The following METTL15 variants were observed in gnomAD, a reference collection of about 807,000 sequenced individuals.
The protein encoded by METTL15 is 12S rRNA N(4)-cytidine methyltransferase METTL15.
A neutral mutation model predicts 38.3 loss-of-function variants in METTL15; 34 were observed. The ratio of observed to expected loss-of-function variants is 0.89; its 90% confidence interval spans 0.68 to 1.18. The LOEUF is 1.18. Among genes scored for constraint, METTL15 ranks in the 50% most tolerant of loss-of-function variants. The pLI, the probability that METTL15 is intolerant of heterozygous loss-of-function variation, is 0.00. For synonymous variants in METTL15, 162 were observed against 170.9 expected (o/e 0.95, Z 0.41); for missense variants, 438 against 498.4 (o/e 0.88, Z 1.15).
chr11:28,151,572 T>G (rs1056256765), intron 3 of METTL15, among the ~76,000 whole-genome samples: 4 of 151,992 alleles, frequency 2.6e-5, no homozygotes, highest in African/African-American at 9.7e-5. Context: ...TTGCACTTGC[T>G]TCTGTCCATT....
chr11:28,440,968 A>G (rs912624399), intron 6 of METTL15, among the ~76,000 whole-genome samples: 1 of 151,852 alleles, frequency 6.6e-6, no homozygotes, highest in Non-Finnish European at 1.5e-5. Flanking sequence ...TAAGTATAAA[A>G]TTCACATTGG....
At chr11:28,366,990 C>T (rs1850192382) in intron 5 of METTL15, among the ~76,000 whole-genome samples, 1 of 152,136 alleles carries the variant, frequency 6.6e-6, no homozygotes, top group South Asian at 2.1e-4. Flanking sequence ...CCCATGATAA[C>T]CCTTCCTTCC....
At chr11:28,287,716 C>G (rs1856339257) in intron 4 of METTL15, 1 of 152,742 alleles carries the variant, frequency 6.5e-6, no homozygotes, top group Admixed American at 6.6e-5. Context: ...CCACAAGTTT[C>G]TCTCCCCACT....
intron 6 of METTL15, among the ~76,000 whole-genome samples, chr11:28,425,013 C>T (rs1277422401): frequency 6.6e-6 from 1 of 152,100 alleles, no homozygotes. Flanking sequence ...GGAAATAACC[C>T]ACTGTTAAGT....
At chr11:28,246,850 T>A (rs1274280579) in intron 4 of METTL15, among the ~76,000 whole-genome samples, 1 of 152,130 alleles carries the variant, frequency 6.6e-6, no homozygotes, top group Non-Finnish European at 1.5e-5. Context: ...AGCTAGTTAA[T>A]CACTTGACAT....
intron 6 of METTL15, among the ~76,000 whole-genome samples, chr11:28,485,322 G>A (rs1352603390): frequency 6.6e-6 from 1 of 152,172 alleles, no homozygotes. Context: ...ATATTTACAA[G>A]GTTCACTATG....
intron 3 of METTL15, among the ~76,000 whole-genome samples, chr11:28,117,212 T>C (rs1456315030): frequency 6.7e-6 from 1 of 149,618 alleles, no homozygotes; most frequent in Non-Finnish European, 1.5e-5. Context: ...TATATATACA[T>C]ACATATATAC....
At chr11:28,219,615 T>C (rs1853090801) in intron 4 of METTL15, among the ~76,000 whole-genome samples, 1 of 152,158 alleles carries the variant, frequency 6.6e-6, no homozygotes, top group African/African-American at 2.4e-5. Context: ...TTTGAATGTG[T>C]GTGCTCTTGC....
chr11:28,224,829 T>A (rs1283723387), intron 4 of METTL15, among the ~76,000 whole-genome samples: 8 of 151,766 alleles, frequency 5.3e-5, no homozygotes, highest in African/African-American at 1.9e-4. Flanking sequence ...TACATTGGTG[T>A]TATCTTTTTC....
chr11:28,171,647 A>G (rs1046430317), intron 3 of METTL15, among the ~76,000 whole-genome samples: 3 of 152,168 alleles, frequency 2.0e-5, no homozygotes, highest in African/African-American at 7.2e-5. Context: ...TGCTAAATAT[A>G]GTGATGTTAT....
At position 28,211,138 on chromosome 11, in the gene METTL15, A is replaced by G. The variant is rs967867843; in HGVS notation, c.347A>G (p.Tyr116Cys). Residue 116 changes from tyrosine (Y) to cysteine (C), a missense_variant, in exon 4 of 7, where the codon TAT (tyrosine) becomes TGT (cysteine). Coordinates refer to ENST00000407364, the MANE Select transcript of METTL15 (RefSeq NM_001113528.2). ...CAGAAGGAGTCAGATATTGTTCTCT[A>G]TGCCTTGGACAGAGACCCAACAGCT... ...ILQKESDIVL[Y>C]ALDRDPTAYA... is the part of the protein sequence containing the mutation. The G allele has an allele frequency of 6.8e-6, 11 of 1,612,782 alleles. No individual in the cohort carries two copies. Among genetic ancestry groups the G allele is most frequent in the South Asian group, 3.3e-5 (3 of 90,996 alleles).
At chr11:28,219,442 T>G (rs1172313594) in intron 4 of METTL15, among the ~76,000 whole-genome samples, 1 of 152,188 alleles carries the variant, frequency 6.6e-6, no homozygotes, top group African/African-American at 2.4e-5. Context: ...TATTTGATTC[T>G]TCTCTCTTTT....
chr11:28,188,357 T>G (rs1851581490), intron 3 of METTL15, among the ~76,000 whole-genome samples: 1 of 151,268 alleles, frequency 6.6e-6, no homozygotes, highest in Non-Finnish European at 1.5e-5. Flanking sequence ...CAATGAAAAT[T>G]ATGAAATAGC....
intron 4 of METTL15, among the ~76,000 whole-genome samples, chr11:28,244,017 G>T (rs1854411298): frequency 6.6e-6 from 1 of 152,114 alleles, no homozygotes; most frequent in South Asian, 2.1e-4. Context: ...GAATTGCTGG[G>T]ACAGCTAGCT....
At chr11:28,516,117 C>A (rs572158925) in intron 6 of METTL15, among the ~76,000 whole-genome samples, 2 of 152,232 alleles carry the variant, frequency 1.3e-5, no homozygotes, top group Non-Finnish European at 2.9e-5. Flanking sequence ...AGTGAAACCA[C>A]ATATATAGAT....
At chr11:28,399,543 A>G (rs867884971) in intron 5 of METTL15, among the ~76,000 whole-genome samples, 7 of 152,098 alleles carry the variant, frequency 4.6e-5, no homozygotes, top group Middle Eastern at 3.4e-3. Flanking sequence ...ATTTATCTTC[A>G]TAGCACATAT....
At chr11:28,202,781 A>T (rs1261737915) in intron 3 of METTL15, among the ~76,000 whole-genome samples, 1 of 152,150 alleles carries the variant, frequency 6.6e-6, no homozygotes, top group Non-Finnish European at 1.5e-5. Context: ...TTTAAAGTGA[A>T]GTCAGGCCAT....
chr11:28,185,812 A>C (rs1464975086), intron 3 of METTL15, among the ~76,000 whole-genome samples: 1 of 150,698 alleles, frequency 6.6e-6, no homozygotes, highest in African/African-American at 2.4e-5. Flanking sequence ...AGCCTTGAAG[A>C]TATAACAGTT....
At chr11:28,151,742 G>GCA (rs1850097181) in intron 3 of METTL15, among the ~76,000 whole-genome samples, 1 of 151,906 alleles carries the variant, frequency 6.6e-6, no homozygotes, top group Admixed American at 6.6e-5. Context: ...CTAGCATTTA[G>GCA]CACAGTACCT....
Sources: allele counts gnomAD v4.1 joint callset (sites outside exome capture counted in the v4.1 genomes callset), GRCh38; gene constraint gnomAD v4.1.1; transcripts MANE v1.5; gene names NCBI Gene and HGNC (gene_info 2026-07-23, HGNC 2026-07-21).